The following CNTN4 variants were observed in gnomAD, a reference collection of about 807,000 sequenced individuals.
The protein encoded by CNTN4 is contactin 4.
CNTN4 carries 77 observed loss-of-function variants against 122.5 expected under a neutral mutation model. That is an observed-to-expected ratio of 0.63 (90% CI 0.52 to 0.76). The LOEUF is 0.76. Among genes scored for constraint, CNTN4 ranks in the 30% least tolerant of loss-of-function variants. The pLI is 0.00. For missense variants in CNTN4, 1,256 were observed against 1,259.1 expected (o/e 1.00, Z 0.04); for synonymous variants, 512 against 447.0 (o/e 1.15, Z -1.83).
intron 2 of CNTN4, among the ~76,000 whole-genome samples, chr3:2,113,085 A>C (rs889823647): frequency 6.6e-6 from 1 of 152,192 alleles, no homozygotes; most frequent in African/African-American, 2.4e-5. Context: ...GGGCTTTTAG[A>C]TATTAAAAAG....
intron 2 of CNTN4, among the ~76,000 whole-genome samples, chr3:2,334,684 A>G (rs183808977): frequency 3.3e-5 from 5 of 152,298 alleles, no homozygotes; most frequent in Admixed American, 6.5e-5. Flanking sequence ...CTTGTAATCA[A>G]TGGTGATCAC....
intron 4 of CNTN4, among the ~76,000 whole-genome samples, chr3:2,593,744 A>C (rs2080616818): frequency 6.6e-6 from 1 of 152,176 alleles, no homozygotes; most frequent in Non-Finnish European, 1.5e-5. Context: ...TCAATGATTA[A>C]AGCCAGTTTT....
At chr3:3,015,664 A>T (rs137974140) in intron 14 of CNTN4, among the ~76,000 whole-genome samples, 1 of 152,180 alleles carries the variant, frequency 6.6e-6, no homozygotes, top group African/African-American at 2.4e-5. Flanking sequence ...CCTTCTGCTG[A>T]GGTTTCAGCA....
intron 13 of CNTN4, among the ~76,000 whole-genome samples, chr3:2,949,948 T>A (rs569121715): frequency 6.6e-6 from 1 of 152,320 alleles, no homozygotes; most frequent in South Asian, 2.1e-4. Context: ...TGGTTAAAAA[T>A]AATTATATCT....
intron 2 of CNTN4, among the ~76,000 whole-genome samples, chr3:2,269,031 C>T (rs1434958879): frequency 4.6e-5 from 7 of 152,028 alleles, no homozygotes; most frequent in African/African-American, 1.5e-4. Context: ...AGGCATCTGT[C>T]GAAATGTCTG....
At chr3:2,350,555 G>C (rs1309774829) in intron 3 of CNTN4, among the ~76,000 whole-genome samples, 1 of 134,844 alleles carries the variant, frequency 7.4e-6, no homozygotes, top group Non-Finnish European at 1.6e-5. Flanking sequence ...TACATAATTA[G>C]TATACTTAAA....
rs544269866 is a variant in CNTN4, at chr3:2,714,098, T to C, written c.56-22117T>C. Among the ~76,000 whole-genome samples, 174 of 152,274 alleles carry C rather than the reference T, an allele frequency of 1.1e-3. 2 individuals are homozygous for C. The highest frequency in any genetic ancestry group is 3.9e-3 in the African/African-American group (162 of 41,554). ...CATAATAGCACTAGCAATCTAGTAATTATAGTAGTGATCACTCATTATTGA... is the reference window on the plus strand; with the variant it reads ...CATAATAGCACTAGCAATCTAGTAACTATAGTAGTGATCACTCATTATTGA... On this transcript the variant is annotated intron_variant, in intron 4 of 24. Transcript: ENST00000418658.
chr3:2,554,434 T>C (rs2078637980), intron 3 of CNTN4, among the ~76,000 whole-genome samples: 1 of 152,160 alleles, frequency 6.6e-6, no homozygotes, highest in African/African-American at 2.4e-5. Flanking sequence ...AGTTTGTGGG[T>C]CATTTCATCC....
At chr3:2,381,591 A>G (rs1575507207) in intron 3 of CNTN4, among the ~76,000 whole-genome samples, 2 of 152,220 alleles carry the variant, frequency 1.3e-5, no homozygotes, top group East Asian at 3.9e-4. Flanking sequence ...TATCTGGCAC[A>G]TAATGCATGG....
intron 3 of CNTN4, among the ~76,000 whole-genome samples, chr3:2,438,987 A>T (rs57233436): frequency 6.6e-6 from 1 of 152,208 alleles, no homozygotes; most frequent in East Asian, 1.9e-4. Context: ...GCAAACTAGG[A>T]TAGTCCAGGC....
intron 3 of CNTN4, among the ~76,000 whole-genome samples, chr3:2,546,527 G>GA: frequency 6.6e-6 from 1 of 152,058 alleles, no homozygotes; most frequent in South Asian, 2.1e-4. Context: ...TGGAAAATCA[G>GA]AAAAAATATT....
At chr3:2,843,439 C>G (rs1411678856) in intron 7 of CNTN4, among the ~76,000 whole-genome samples, 2 of 152,124 alleles carry the variant, frequency 1.3e-5, no homozygotes, top group African/African-American at 4.8e-5. Flanking sequence ...TCCTGTTTCT[C>G]CAGCCTTTTG....
intron 3 of CNTN4, among the ~76,000 whole-genome samples, chr3:2,354,169 C>G (rs1462254774): frequency 6.6e-6 from 1 of 152,160 alleles, no homozygotes; most frequent in East Asian, 1.9e-4. Context: ...ATGGGATTCC[C>G]ATTCAGTTCT....
intron 16 of CNTN4, among the ~76,000 whole-genome samples, chr3:3,032,701 G>T (rs543167685): frequency 6.6e-6 from 1 of 152,172 alleles, no homozygotes; most frequent in African/African-American, 2.4e-5. Flanking sequence ...TGTAATGGCA[G>T]CCAGAAAGGC....
intron 14 of CNTN4, among the ~76,000 whole-genome samples, chr3:3,007,859 G>C (rs959595894): frequency 1.3e-5 from 2 of 152,148 alleles, no homozygotes; most frequent in Non-Finnish European, 2.9e-5. Flanking sequence ...TAAATGGGGT[G>C]CTGCAGATAG....
At chr3:2,313,298 G>C (rs920554677) in intron 2 of CNTN4, among the ~76,000 whole-genome samples, 6 of 151,680 alleles carry the variant, frequency 4.0e-5, no homozygotes, top group Non-Finnish European at 8.8e-5. Flanking sequence ...AAAATATTAA[G>C]GAAAATGGAT....
At chr3:2,994,036 T>G (rs554446985) in intron 14 of CNTN4, among the ~76,000 whole-genome samples, 139 of 152,286 alleles carry the variant, frequency 9.1e-4, no homozygotes, top group African/African-American at 3.2e-3. Context: ...CTCCAGCATG[T>G]GGGGAGGATT....
At chr3:2,626,572 C>A (rs2082199692) in intron 4 of CNTN4, among the ~76,000 whole-genome samples, 1 of 151,818 alleles carries the variant, frequency 6.6e-6, no homozygotes, top group African/African-American at 2.4e-5. Flanking sequence ...AATAAAATCC[C>A]CTTATATCAT....
intron 2 of CNTN4, among the ~76,000 whole-genome samples, chr3:2,104,192 C>T (rs1297109187): frequency 6.6e-6 from 1 of 151,524 alleles, no homozygotes; most frequent in Non-Finnish European, 1.5e-5. Flanking sequence ...ACTCCTCTTT[C>T]TTCCAATTTT....
Sources: allele counts gnomAD v4.1 joint callset (sites outside exome capture counted in the v4.1 genomes callset), GRCh38; gene constraint gnomAD v4.1.1; transcripts MANE v1.5; gene names NCBI Gene and HGNC (gene_info 2026-07-23, HGNC 2026-07-21).